The following LPIN2 variants were observed in gnomAD, a reference collection of about 807,000 sequenced individuals.
LPIN2 encodes lipin 2, also known as phosphatidate phosphatase LPIN2.
In LPIN2, 55 loss-of-function variants were observed where a neutral mutation model predicts 111.4. The observed-to-expected ratio is 0.49, with a 90% confidence interval of 0.40 to 0.62. The LOEUF is 0.62. LPIN2 is among the 20% of genes least tolerant of loss of function. LPIN2 has a pLI of 0.00. For synonymous variants in LPIN2, 425 were observed against 414.0 expected, an observed-to-expected ratio of 1.03 and a Z score of -0.32; for missense variants, 992 against 1,112.1, an observed-to-expected ratio of 0.89 and a Z score of 1.54.
At chr18:2,979,012 T>C (rs2078065069) in intron 1 of LPIN2, 1 of 152,270 alleles carries the variant, frequency 6.6e-6, no homozygotes, top group Non-Finnish European at 1.5e-5. Flanking sequence ...TTCTTGACAG[T>C]GAACAGAGCT....
At chr18:2,922,727 ATTATG>A (rs1327143052) in intron 16 of LPIN2, among the ~76,000 whole-genome samples, 2 of 152,214 alleles carry the variant, frequency 1.3e-5, no homozygotes, top group Non-Finnish European at 2.9e-5. Flanking sequence ...GCAACTAAGG[ATTATG>A]TTAAGTTTGT....
intron 1 of LPIN2, among the ~76,000 whole-genome samples, chr18:3,012,643 C>T (rs2078625912): frequency 6.6e-6 from 1 of 152,206 alleles, no homozygotes; most frequent in South Asian, 2.1e-4. Flanking sequence ...CCCCCTCCCG[C>T]AGGGCCGGGG....
Position 2,987,056 on chromosome 18 carries a change from T to G in LPIN2, c.-10+26031A>C, listed in dbSNP as rs543859354. Reference sequence around the variant, plus strand: ...TTTCTTCTCCCATTTCACCTCTGAATAGCAGTTTGCACAGTGATGACACCC... The same window carrying G: ...TTTCTTCTCCCATTTCACCTCTGAAGAGCAGTTTGCACAGTGATGACACCC... On this transcript the variant is annotated intron_variant, in intron 1 of 19. Coordinates refer to ENST00000677752, the MANE Select transcript of LPIN2 (RefSeq NM_001375808.2). 3.3e-5 allele frequency among the ~76,000 whole-genome samples: 5 copies of G among 152,284 alleles called. No individual in the cohort carries two copies. The South Asian group carries it at 1.0e-3, about 32-fold the overall frequency.
rs778203035 is a variant in LPIN2, at chr18:2,954,627, T to C, written c.193-28A>G. ...ATGGGAGAAACAAAGTATGACTTAA[T>C]GTTCAAGGAGTCTTTCCTTCAAGTT... On this transcript the variant is annotated intron_variant, in intron 2 of 19. Coordinates refer to ENST00000677752, the MANE Select transcript of LPIN2 (RefSeq NM_001375808.2). 7.6e-6 allele frequency: 11 copies of C among 1,439,712 alleles called. 1 individual carries two copies. The South Asian group carries it at 1.0e-4, about 13-fold the overall frequency. 89.2% of individuals were successfully genotyped at this position (1,439,712 alleles called of 1,614,324 possible).
chr18:3,011,005 G>C (rs1742746385), intron 1 of LPIN2, among the ~76,000 whole-genome samples: 1 of 152,168 alleles, frequency 6.6e-6, no homozygotes, highest in South Asian at 2.1e-4. Context: ...ACTGCCTGCT[G>C]CGTCTACCTT....
intron 1 of LPIN2, among the ~76,000 whole-genome samples, chr18:3,004,377 C>T (rs541459875): frequency 1.3e-5 from 2 of 152,310 alleles, no homozygotes; most frequent in South Asian, 4.1e-4. Context: ...AGAGGCCCAG[C>T]TGTGAAATTC....
chr18:2,943,087 T>C (rs1029068876), intron 4 of LPIN2, among the ~76,000 whole-genome samples: 1 of 152,224 alleles, frequency 6.6e-6, no homozygotes, highest in Non-Finnish European at 1.5e-5. Context: ...CTAACATTTT[T>C]CCAATTCAAA....
rs2077117848 is a variant in LPIN2 at position 2,925,482 on chromosome 18, G to C, written c.1794-114C>G. 2.9e-6 allele frequency: 4 copies of C among 1,384,258 alleles called. No individual in the cohort carries two copies. The East Asian group carries it at 9.2e-5, about 32-fold the overall frequency. The allele number at this position is 1,384,258 out of a possible 1,614,324, so 85.7% of individuals were successfully genotyped here. On this transcript the variant is annotated intron_variant, in intron 13 of 19. Transcript: ENST00000677752. This position sits in a 1 kb window ranked among gnomAD's most constrained non-coding sequence, Gnocchi z 4.1. ...CCTAAATCTTTTCTAGGAATGGGTAGAGTTATCCCTTCTGCCATTCTCCCA... is the reference window on the plus strand; with the variant it reads ...CCTAAATCTTTTCTAGGAATGGGTACAGTTATCCCTTCTGCCATTCTCCCA...
chr18:2,976,165 GTTAACA>G (rs1285310444), intron 1 of LPIN2, among the ~76,000 whole-genome samples: 1 of 152,134 alleles, frequency 6.6e-6, no homozygotes. Context: ...TAATATCACA[GTTAACA>G]TTAACACAAT....
chr18:2,951,319 G>A lies in LPIN2; in HGVS notation c.326C>T (p.Pro109Leu). ...ATCTTTAAAGAACTGATCTTCAGTA[G>A]GAATTGGTGAGGTGGCAAGGTAAGC... ...LPAYLATSPI[P>L]TEDQFFKDID... Residue 109 changes from proline to leucine, a missense_variant, in exon 4 of 20, where the codon CCT becomes CTT. Pro to Leu is a moderately conservative substitution (Grantham distance 98). Transcript: ENST00000677752. 1 of 1,614,122 alleles carries A rather than the reference G, an allele frequency of 6.2e-7. No homozygotes were observed. Among genetic ancestry groups the A allele is most frequent in the Non-Finnish European group, 8.5e-7 (1 of 1,180,032 alleles).
intron 1 of LPIN2, among the ~76,000 whole-genome samples, chr18:2,996,331 T>A (rs982733430): frequency 9.2e-5 from 14 of 151,942 alleles, no homozygotes; most frequent in African/African-American, 3.4e-4. Context: ...AGTGCAAGAC[T>A]TCATCCCAAA....
chr18:3,005,393 G>A (rs1009537747), intron 1 of LPIN2, among the ~76,000 whole-genome samples: 6 of 151,730 alleles, frequency 4.0e-5, no homozygotes, highest in East Asian at 1.9e-4. Flanking sequence ...AAAGTGTCTC[G>A]GCAGGGCACA....
intron 1 of LPIN2, among the ~76,000 whole-genome samples, chr18:2,969,342 G>A (rs571211492): frequency 2.0e-5 from 3 of 152,310 alleles, no homozygotes; most frequent in South Asian, 2.1e-4. Context: ...AAAAAGTACA[G>A]GGGAGTTTTT....
chr18:2,992,393 G>A (rs895185776), intron 1 of LPIN2, among the ~76,000 whole-genome samples: 7 of 152,184 alleles, frequency 4.6e-5, no homozygotes, highest in Non-Finnish European at 1.5e-5. Context: ...GTAGATTAGA[G>A]GTTACCAGGT....
At chr18:2,971,550 A>G (rs2077911783) in intron 1 of LPIN2, among the ~76,000 whole-genome samples, 1 of 152,206 alleles carries the variant, frequency 6.6e-6, no homozygotes, top group South Asian at 2.1e-4. Flanking sequence ...AGCTTGGCAC[A>G]GTGCCTAGCA....
At chr18:3,003,616 T>C (rs568810852) in intron 1 of LPIN2, among the ~76,000 whole-genome samples, 1 of 152,354 alleles carries the variant, frequency 6.6e-6, no homozygotes, top group East Asian at 1.9e-4. Flanking sequence ...GTCACTTCCC[T>C]AATAATCATC....
At position 2,925,331 on chromosome 18, in the gene LPIN2, G is replaced by T. The variant is rs752818468; in HGVS notation, c.1831C>A (p.Gln611Lys). The change falls in exon 14 of 20, where the codon CAG becomes AAG. Residue 611 changes from glutamine (Q) to lysine (K), a missense_variant. Gln to Lys is a moderately conservative substitution (Grantham distance 53, BLOSUM62 1). Around this residue, in one of 4 missense-constraint regions of LPIN2, gnomAD observed 709 missense variants for 753.2 expected, o/e 0.94. Transcript: ENST00000677752. This position sits in a 1 kb window ranked among gnomAD's most constrained non-coding sequence, Gnocchi z 4.1. ...ENDSSSDEGS[Q>K]ELEESITVDP... The stretch of plus-strand genomic sequence containing the variant: ...ACTGTGATGGATTCTTCGAGCTCCT[G>T]TGATCCCTCGTCACTCGAGGAGTCA... The T allele has an allele frequency of 8.1e-6, 13 of 1,613,926 alleles. No individual in the cohort carries two copies. The highest frequency in any genetic ancestry group is 2.2e-5 in the East Asian group (1 of 44,888).
chr18:2,966,138 T>C (rs1268417868), intron 1 of LPIN2, among the ~76,000 whole-genome samples: 1 of 152,060 alleles, frequency 6.6e-6, no homozygotes, highest in Non-Finnish European at 1.5e-5. Context: ...GGTTTTGCCA[T>C]GTTGCCCAGG....
intron 1 of LPIN2, among the ~76,000 whole-genome samples, chr18:2,984,566 A>C (rs1426144975): frequency 1.3e-5 from 2 of 152,094 alleles, no homozygotes; most frequent in African/African-American, 4.8e-5. Flanking sequence ...GAGAGATTAA[A>C]GAGAAACCTA....
Sources: gnomAD v4.1 joint callset for allele counts (sites outside exome capture counted in the v4.1 genomes callset) on GRCh38, gnomAD v4.1.1 for gene constraint, gnomAD v4.1.1 regional missense constraint, Gnocchi (gnomAD v3.1) non-coding constraint, MANE v1.5 for transcripts, NCBI Gene and HGNC (gene_info 2026-07-23, HGNC 2026-07-21) for gene names.